ROR1: variants seen among roughly 807,000 people sequenced by gnomAD.
The protein encoded by ROR1 is ROR family WNT receptor 1.
A neutral mutation model predicts 78.8 loss-of-function variants in ROR1; 19 were observed. The ratio of observed to expected loss-of-function variants is 0.24; its 90% CI spans 0.17 to 0.35. ROR1 has a LOEUF of 0.35. Ranked by LOEUF, ROR1 falls within the 10% of genes least tolerant of loss-of-function variation. The pLI, the probability that ROR1 is intolerant of heterozygous loss-of-function variation, is 1.00. For synonymous variants in ROR1, 386 were observed against 433.6 expected, an observed-to-expected ratio of 0.89 and a Z score of 1.36; for missense variants, 917 against 1,177.8, an observed-to-expected ratio of 0.78 and a Z score of 3.24.
At chr1:63,808,486 G>A (rs1557506704) in intron 1 of ROR1, among the ~76,000 whole-genome samples, 1 of 152,152 alleles carries the variant, frequency 6.6e-6, no homozygotes, top group South Asian at 2.1e-4. Context: ...GGTACAAAAG[G>A]CACTTATTAT....
chr1:64,077,907 G>T (rs923763466), intron 4 of ROR1, among the ~76,000 whole-genome samples: 3 of 152,212 alleles, frequency 2.0e-5, no homozygotes, highest in Admixed American at 6.5e-5. Flanking sequence ...TATTAATTGA[G>T]TTCCTACTAT....
At chr1:64,077,837 G>T (rs1196286768) in intron 4 of ROR1, among the ~76,000 whole-genome samples, 1 of 152,216 alleles carries the variant, frequency 6.6e-6, no homozygotes, top group Non-Finnish European at 1.5e-5. Context: ...GCATGTCCTT[G>T]CTAATTACAA....
intron 4 of ROR1, among the ~76,000 whole-genome samples, chr1:64,088,775 A>G (rs548475762): frequency 6.6e-6 from 1 of 152,270 alleles, no homozygotes; most frequent in Non-Finnish European, 1.5e-5. Flanking sequence ...ATTAAATGAC[A>G]TAAAAATAAT....
chr1:64,156,662 G>A (rs1649780609), intron 7 of ROR1, among the ~76,000 whole-genome samples: 1 of 139,144 alleles, frequency 7.2e-6, no homozygotes, highest in African/African-American at 2.7e-5. Context: ...AGCCGAGATC[G>A]CACCATTGCA....
intron 1 of ROR1, among the ~76,000 whole-genome samples, chr1:63,927,962 T>C (rs868809171): frequency 0.016 from 2,422 of 147,124 alleles, 33 homozygotes; most frequent in Non-Finnish European, 0.025. Context: ...GGGTTCCCTT[T>C]TTTTTTTTTT....
chr1:64,049,905 A>G lies in ROR1; in HGVS notation c.378A>G (p.Thr126=). The G allele has an allele frequency of 6.2e-7, 1 of 1,614,198 alleles. No individual in the cohort carries two copies. The highest frequency in any genetic ancestry group is 8.5e-7 in the Non-Finnish European group (1 of 1,180,016). The change falls in exon 3 of 9, where the codon ACA becomes ACG. Residue 126 remains threonine (T), a synonymous_variant. Coordinates refer to ENST00000371079, the MANE Select transcript of ROR1 (RefSeq NM_005012.4). ...TTAGAAACCTCGACACCACAGACACAGGCTACTTCCAGTGCGTGGCAACAA... is the reference window on the plus strand; with the variant it reads ...TTAGAAACCTCGACACCACAGACACGGGCTACTTCCAGTGCGTGGCAACAA... ...LRIRNLDTTD[T]GYFQCVATNG...
At chr1:64,062,896 G>A (rs980109638) in intron 4 of ROR1, among the ~76,000 whole-genome samples, 5 of 152,148 alleles carry the variant, frequency 3.3e-5, no homozygotes, top group South Asian at 2.1e-4. Context: ...CTTCGACTTT[G>A]TAGGGTAGGA....
At chr1:63,813,653 C>G (rs921202554) in intron 1 of ROR1, among the ~76,000 whole-genome samples, 8 of 152,174 alleles carry the variant, frequency 5.3e-5, no homozygotes, top group African/African-American at 1.9e-4. Context: ...AGCTTTGCAG[C>G]TGAGTGAATG....
intron 1 of ROR1, among the ~76,000 whole-genome samples, chr1:63,831,148 C>T (rs1644985753): frequency 6.6e-6 from 1 of 152,168 alleles, no homozygotes; most frequent in Non-Finnish European, 1.5e-5. Context: ...GCATTGAGTG[C>T]CTGCACCTTT....
chr1:63,925,838 A>T (rs371876818), intron 1 of ROR1, among the ~76,000 whole-genome samples: 52 of 151,126 alleles, frequency 3.4e-4, no homozygotes, highest in Admixed American at 3.2e-3. Context: ...GTTCATGTCC[A>T]TCGCCCACTT....
chr1:64,000,143 G>GA (rs1646370864), intron 1 of ROR1, among the ~76,000 whole-genome samples: 1 of 152,190 alleles, frequency 6.6e-6, no homozygotes, highest in African/African-American at 2.4e-5. Flanking sequence ...TGAGTAAGAA[G>GA]AAAAAATTGC....
At chr1:64,050,830 C>T in intron 4 of ROR1, 114 bp downstream of exon 4, 2 of 1,014,886 alleles carry the variant, frequency 2.0e-6, no homozygotes, top group Non-Finnish European at 1.6e-6. Flanking sequence ...AGATGTCATT[C>T]CATTTTGCCC....
intron 1 of ROR1, among the ~76,000 whole-genome samples, chr1:63,974,586 G>A (rs76100631): frequency 0.013 from 2,051 of 151,932 alleles, 48 homozygotes; most frequent in African/African-American, 0.048. Flanking sequence ...TTTTAATGTG[G>A]ACATTACTTG....
At chr1:64,129,649 C>T (rs921484243) in intron 4 of ROR1, among the ~76,000 whole-genome samples, 3 of 152,192 alleles carry the variant, frequency 2.0e-5, no homozygotes, top group Non-Finnish European at 4.4e-5. Flanking sequence ...GCCGCCCTAT[C>T]ATGAAAACCT....
chr1:63,804,574 G>A (rs1026374612), intron 1 of ROR1, among the ~76,000 whole-genome samples: 1 of 152,186 alleles, frequency 6.6e-6, no homozygotes, highest in Non-Finnish European at 1.5e-5. Context: ...GAGGATGAGC[G>A]TGGACATCTG....
chr1:63,789,803 A>G (rs1051107598), intron 1 of ROR1, among the ~76,000 whole-genome samples: 1 of 150,104 alleles, frequency 6.7e-6, no homozygotes, highest in Non-Finnish European at 1.5e-5. Context: ...TTTAATTTTC[A>G]TGCATATCTT....
chr1:64,177,370 CA>C, intron 8 of ROR1, 57 bp from the exon 9 acceptor site: 1 of 1,340,670 alleles, frequency 7.5e-7, no homozygotes, highest in South Asian at 1.4e-5. Context: ...CTTTCGGATG[CA>C]AAGCTGTCTT....
intron 1 of ROR1, among the ~76,000 whole-genome samples, chr1:63,999,375 G>C (rs1411338805): frequency 6.6e-6 from 1 of 152,142 alleles, no homozygotes; most frequent in Non-Finnish European, 1.5e-5. Flanking sequence ...TTATTCAAAG[G>C]AAGAAATTAG....
chr1:64,157,919 T>C (rs1649820541), intron 7 of ROR1, among the ~76,000 whole-genome samples: 1 of 152,208 alleles, frequency 6.6e-6, no homozygotes, highest in African/African-American at 2.4e-5. Context: ...GTAAGGTAAA[T>C]AATCATCTCT....
Sources: gnomAD v4.1 joint callset for allele counts (sites outside exome capture counted in the v4.1 genomes callset) on GRCh38, gnomAD v4.1.1 for gene constraint, MANE v1.5 for transcripts, NCBI Gene and HGNC (gene_info 2026-07-23, HGNC 2026-07-21) for gene names.